Variants in NEGR1 observed in about 807,000 individuals in gnomAD.
NEGR1 encodes neuronal growth regulator 1, also known as IgLON family member 4.
Under a neutral mutation model 40.9 loss-of-function variants are expected in NEGR1, and 10 were observed. The ratio of observed to expected loss-of-function variants is 0.24; its 90% CI spans 0.15 to 0.42. The LOEUF (loss-of-function observed/expected upper bound fraction) is 0.42, where lower values mean the gene tolerates loss of function less well. NEGR1 is among the 10% of genes least tolerant of loss of function. NEGR1 has a pLI of 1.00. For missense variants in NEGR1, 352 were observed against 438.9 expected, an observed-to-expected ratio of 0.80 and a Z score of 1.77; for synonymous variants, 185 against 166.8, an observed-to-expected ratio of 1.11 and a Z score of -0.84.
At position 71,694,929 on chromosome 1, in the gene NEGR1, T is replaced by C. The variant is rs939306094; in HGVS notation, c.667+3079A>G. On this transcript the variant is annotated intron_variant, in intron 4 of 6. Transcript: ENST00000357731. ...GGCTGTCTTGAACCTGGCATGATACTGTCTTTAGGGAATCTTCAGGTTATC... is the reference window on the plus strand; with the variant it reads ...GGCTGTCTTGAACCTGGCATGATACCGTCTTTAGGGAATCTTCAGGTTATC... Among the ~76,000 whole-genome samples the C allele has an allele frequency of 2.8e-4, 42 of 151,766 alleles. 1 individual carries two copies.
At chr1:71,869,401 A>C (rs932140554) in intron 2 of NEGR1, among the ~76,000 whole-genome samples, 4 of 152,198 alleles carry the variant, frequency 2.6e-5, no homozygotes, top group African/African-American at 9.7e-5. Flanking sequence ...AAAAATACTA[A>C]AATACAGCTA....
chr1:71,573,236 A>G (rs1648861218), intron 6 of NEGR1, among the ~76,000 whole-genome samples: 1 of 152,208 alleles, frequency 6.6e-6, no homozygotes, highest in Non-Finnish European at 1.5e-5. Flanking sequence ...TGGGGAGGGA[A>G]AAGGAATGAA....
At chr1:72,223,430 A>C (rs1329379002) in intron 1 of NEGR1, among the ~76,000 whole-genome samples, 5 of 152,190 alleles carry the variant, frequency 3.3e-5, no homozygotes, top group Admixed American at 3.3e-4. Context: ...ATCCTACCAT[A>C]AATGGACTCT....
intron 6 of NEGR1, among the ~76,000 whole-genome samples, chr1:71,499,874 T>C (rs904428137): frequency 6.6e-6 from 1 of 152,120 alleles, no homozygotes. Flanking sequence ...ATAAATGTAA[T>C]CAATGTATAG....
chr1:72,100,013 T>C (rs1291264498), intron 1 of NEGR1, among the ~76,000 whole-genome samples: 1 of 152,082 alleles, frequency 6.6e-6, no homozygotes, highest in Non-Finnish European at 1.5e-5. Context: ...ATAGTGATTT[T>C]GGCATTGCCA....
At chr1:71,803,211 T>C (rs1657624596) in intron 2 of NEGR1, among the ~76,000 whole-genome samples, 1 of 152,106 alleles carries the variant, frequency 6.6e-6, no homozygotes, top group Non-Finnish European at 1.5e-5. Context: ...GGCAGAGACA[T>C]CAGAGCTGTC....
At chr1:71,615,054 G>A (rs983405815) in intron 4 of NEGR1, among the ~76,000 whole-genome samples, 2 of 152,198 alleles carry the variant, frequency 1.3e-5, no homozygotes, top group Non-Finnish European at 2.9e-5. Context: ...GTGTTGTGAA[G>A]TAATCAATGT....
At chr1:71,695,314 CAG>C (rs1467156194) in intron 4 of NEGR1, among the ~76,000 whole-genome samples, 7 of 151,660 alleles carry the variant, frequency 4.6e-5, no homozygotes, top group Non-Finnish European at 1.5e-5. Flanking sequence ...AGGTATGACT[CAG>C]GGAGAAGCAA....
At chr1:71,804,075 T>A (rs1401589747) in intron 2 of NEGR1, among the ~76,000 whole-genome samples, 1 of 152,062 alleles carries the variant, frequency 6.6e-6, no homozygotes, top group Non-Finnish European at 1.5e-5. Context: ...AAATAATAAA[T>A]CAAGGTTGAT....
rs188832363 is a variant in NEGR1 at position 71,935,622 on chromosome 1, A to C, written c.177-311T>G. ...CATTCTGTCTGGATGACACATCTAA[A>C]TAAAGCTAAATTAGTTTACACAATT... On this transcript the variant is annotated intron_variant, in intron 1 of 6. Coordinates refer to ENST00000357731, the MANE Select transcript of NEGR1 (RefSeq NM_173808.3). 9.2e-5 allele frequency among the ~76,000 whole-genome samples: 14 copies of C among 152,216 alleles called. No individual in the cohort carries two copies. In the East Asian group the frequency reaches 2.3e-3, roughly 25 times the overall value.
chr1:71,727,798 A>G (rs1279889938), intron 3 of NEGR1, among the ~76,000 whole-genome samples: 1 of 152,188 alleles, frequency 6.6e-6, no homozygotes, highest in East Asian at 1.9e-4. Context: ...ATCTTATTCC[A>G]CATGTGGTTA....
At chr1:71,942,847 G>A (rs1013058429) in intron 1 of NEGR1, among the ~76,000 whole-genome samples, 2 of 143,742 alleles carry the variant, frequency 1.4e-5, no homozygotes, top group Admixed American at 7.1e-5. Flanking sequence ...TGTCACCCAG[G>A]CTTGAGTACA....
At chr1:71,965,769 G>C (rs1040424061) in intron 1 of NEGR1, among the ~76,000 whole-genome samples, 1 of 152,040 alleles carries the variant, frequency 6.6e-6, no homozygotes, top group Non-Finnish European at 1.5e-5. Context: ...AAATGAATAT[G>C]AACTCAGATC....
chr1:71,882,551 ACTGT>A (rs1471081410), intron 2 of NEGR1, among the ~76,000 whole-genome samples: 1 of 152,062 alleles, frequency 6.6e-6, no homozygotes, highest in Non-Finnish European at 1.5e-5. Flanking sequence ...TTCATGGCTG[ACTGT>A]CTTGCAAACA....
rs115706561 is a variant in NEGR1 at position 71,763,095 on chromosome 1, T to A, written c.535+13077A>T. On this transcript the variant is annotated intron_variant, in intron 3 of 6. Transcript: ENST00000357731. ...CTATAAGGAAATAATACAAGAAAGATCTTTGTGCTGAGGGAATAGCCCTGT... is the reference window on the plus strand; with the variant it reads ...CTATAAGGAAATAATACAAGAAAGAACTTTGTGCTGAGGGAATAGCCCTGT... Among the ~76,000 whole-genome samples the A allele has an allele frequency of 5.0e-3, 767 of 152,166 alleles. 6 individuals are homozygous for A. Among genetic ancestry groups the A allele is most frequent in the African/African-American group, 0.017 (719 of 41,518 alleles).
intron 6 of NEGR1, among the ~76,000 whole-genome samples, chr1:71,412,358 A>G (rs1646328653): frequency 6.6e-6 from 1 of 151,450 alleles, no homozygotes; most frequent in South Asian, 2.1e-4. Context: ...CAGTTTTTCC[A>G]TGAGGCCATC....
At chr1:71,965,346 C>T (rs1646201738) in intron 1 of NEGR1, among the ~76,000 whole-genome samples, 3 of 152,096 alleles carry the variant, frequency 2.0e-5, no homozygotes, top group Non-Finnish European at 2.9e-5. Flanking sequence ...ATAACTTTAG[C>T]GAAGTTTTCT....
rs76025300 is a variant in NEGR1, at chr1:72,029,118, T to A, written c.177-93807A>T. ...GATTGATTCTTAGAGTACAAAAATATAATTTGAAAATATGGAGACTAAACT... is the reference window on the plus strand; with the variant it reads ...GATTGATTCTTAGAGTACAAAAATAAAATTTGAAAATATGGAGACTAAACT... On this transcript the variant is annotated intron_variant, in intron 1 of 6. Transcript: ENST00000357731. Among the ~76,000 whole-genome samples the A allele has an allele frequency of 2.1e-3, 319 of 152,212 alleles. 1 individual carries two copies. Among genetic ancestry groups the A allele is most frequent in the African/African-American group, 7.4e-3 (307 of 41,534 alleles).
At chr1:72,136,275 G>A (rs953439620) in intron 1 of NEGR1, among the ~76,000 whole-genome samples, 1 of 151,976 alleles carries the variant, frequency 6.6e-6, no homozygotes, top group Non-Finnish European at 1.5e-5. Flanking sequence ...AAGATATAGA[G>A]GATATACAAT....
Sources: allele counts gnomAD v4.1 joint callset (sites outside exome capture counted in the v4.1 genomes callset), GRCh38; gene constraint gnomAD v4.1.1; transcripts MANE v1.5; gene names NCBI Gene and HGNC (gene_info 2026-07-23, HGNC 2026-07-21).